The following CLCN2 variants were observed in gnomAD, a reference collection of about 807,000 sequenced individuals.
CLCN2 encodes chloride voltage-gated channel 2, also known as chloride channel protein 2.
Under a neutral mutation model 108.3 loss-of-function variants are expected in CLCN2, and 72 were observed. That is an observed-to-expected ratio of 0.66 (90% CI 0.55 to 0.81). The LOEUF (loss-of-function observed/expected upper bound fraction) is 0.81, where lower values mean the gene tolerates loss of function less well. Ranked by LOEUF, CLCN2 falls within the 30% of genes least tolerant of loss-of-function variation. The pLI is 0.00. For synonymous variants in CLCN2, 471 were observed against 467.1 expected (o/e 1.01, Z -0.11); for missense variants, 1,048 against 1,205.2 (o/e 0.87, Z 1.93).
rs536717847 is a variant in CLCN2 at position 184,361,244 on chromosome 3, C to T, written c.63+173G>A. ...GCCCTCAGCCTCAGCCAGAAACCAGCATGCAGTTTTCCATCCCTTCGGCCC... is the reference window on the plus strand; with the variant it reads ...GCCCTCAGCCTCAGCCAGAAACCAGTATGCAGTTTTCCATCCCTTCGGCCC... On this transcript the variant is annotated intron_variant, in intron 1 of 23. Coordinates refer to ENST00000265593, the MANE Select transcript of CLCN2 (RefSeq NM_004366.6). This position sits in a 1 kb window ranked among gnomAD's most constrained non-coding sequence, Gnocchi z 6.6. Among the ~76,000 whole-genome samples, 1 of 152,196 alleles carries T rather than the reference C, an allele frequency of 6.6e-6. No homozygotes were observed. The highest frequency in any genetic ancestry group is 2.4e-5 in the African/African-American group (1 of 41,444).
chr3:184,356,931 C>A (rs1230226256), intron 10 of CLCN2, 62 bp downstream of exon 10: 4 of 1,182,496 alleles, frequency 3.4e-6, no homozygotes, highest in African/African-American at 1.5e-5. Context: ...TCACTGTCCC[C>A]TGACCTACTG....
In CLCN2 at chr3:184,361,571, C is replaced by G. The variant is rs1712132995; in HGVS notation, c.-92G>C. On this transcript the variant is annotated 5_prime_UTR_variant, in exon 1 of 24. Transcript: ENST00000265593. This position sits in a 1 kb window ranked among gnomAD's most constrained non-coding sequence, Gnocchi z 6.6. ...GCAAAGTCCGCGCCGGCAGCCGTCC[C>G]GTCCCCGCAGCCCGGGAGGCCGAGA... The G allele has an allele frequency of 1.4e-6, 2 of 1,437,750 alleles. No homozygotes were observed. The highest frequency in any genetic ancestry group is 1.9e-6 in the Non-Finnish European group (2 of 1,045,294). 89.1% of individuals were successfully genotyped at this position (1,437,750 alleles called of 1,614,324 possible).
In CLCN2 at chr3:184,346,548, A is replaced by G; in HGVS notation, c.*58T>C. The stretch of plus-strand genomic sequence containing the variant: ...CTTCCGAAGGCAGAAGGAATGAAAG[A>G]TGCACATTCTGGGCTGACGGGCATG... On this transcript the variant is annotated 3_prime_UTR_variant, in exon 24 of 24. Coordinates refer to ENST00000265593, the MANE Select transcript of CLCN2 (RefSeq NM_004366.6). The surrounding 1 kb of genome is among the most constrained non-coding windows in gnomAD (Gnocchi z 6.0). 1 of 1,590,914 alleles carries G rather than the reference A, an allele frequency of 6.3e-7. No individual in the cohort carries two copies. Among genetic ancestry groups the G allele is most frequent in the Non-Finnish European group, 8.6e-7 (1 of 1,162,802 alleles).
At chr3:184,352,618 G>T in intron 19 of CLCN2, 119 bp downstream of exon 19, 3 of 1,450,306 alleles carry the variant, frequency 2.1e-6, no homozygotes, top group Non-Finnish European at 2.9e-6. Flanking sequence ...GCTGACAGCA[G>T]GGAGGGCCGA....
At chr3:184,354,799 G>T (rs1728417260) in intron 13 of CLCN2, 105 bp downstream of exon 13, 3 of 1,414,982 alleles carry the variant, frequency 2.1e-6, no homozygotes, top group South Asian at 2.3e-5. Flanking sequence ...CAGGGTTCGG[G>T]CTAGGGCTGG....
At chr3:184,352,214 C>T (rs1205975228) in intron 21 of CLCN2, 79 bp downstream of exon 21, 1 of 1,600,538 alleles carries the variant, frequency 6.2e-7, no homozygotes, top group Non-Finnish European at 8.6e-7. Context: ...CCCGTGGTCC[C>T]TCCCATGGGG....
intron 19 of CLCN2, 114 bp from the exon 20 acceptor site, chr3:184,352,610 T>C: frequency 6.9e-7 from 1 of 1,449,798 alleles, no homozygotes; most frequent in South Asian, 1.2e-5. Context: ...GGACCTGAGC[T>C]GACAGCAGGG....
At chr3:184,360,643 A>C (rs1711936614) in intron 1 of CLCN2, among the ~76,000 whole-genome samples, 1 of 152,078 alleles carries the variant, frequency 6.6e-6, no homozygotes, top group African/African-American at 2.4e-5. Flanking sequence ...TCCTTTCCCT[A>C]GGGCTTGGGT....
In CLCN2 at chr3:184,357,205, C is replaced by A. The variant is rs748592708; in HGVS notation, c.960G>T (p.Glu320Asp). Residue 320 changes from glutamate (E) to aspartate (D), a missense_variant, in exon 9 of 24, where the codon GAG becomes GAT. Coordinates refer to ENST00000265593, the MANE Select transcript of CLCN2 (RefSeq NM_004366.6). ...ACCCAATGACAGCAAAGGCTGGCAG[C>A]TCCTGCAGGTCAAAGGGGAAGTCGA... is the stretch of plus-strand genomic sequence containing the variant. ...FRLDFPFDLQELPAFAVIGIA... is the reference protein window; with the variant it reads ...FRLDFPFDLQDLPAFAVIGIA... 5.0e-6 allele frequency: 8 copies of A among 1,614,016 alleles called. No individual in the cohort carries two copies. The highest frequency in any genetic ancestry group is 1.7e-5 in the Admixed American group (1 of 60,020).
intron 22 of CLCN2, chr3:184,347,933 C>T (rs546236989): frequency 4.6e-5 from 7 of 152,330 alleles, no homozygotes; most frequent in African/African-American, 1.4e-4. Flanking sequence ...TCTTGAAAAA[C>T]GCTCTCCTGA....
chr3:184,358,385 G>A (rs1034838897), intron 3 of CLCN2, 75 bp from the exon 4 acceptor site: 10 of 1,599,166 alleles, frequency 6.3e-6, no homozygotes, highest in Non-Finnish European at 8.6e-6. Context: ...ACGCTGATAC[G>A]ACAGGCTGTC....
In CLCN2 at chr3:184,354,927, G is replaced by C. The variant is rs772617403; in HGVS notation, c.1373C>G (p.Ala458Gly). 5 of 1,613,964 alleles carry C rather than the reference G, an allele frequency of 3.1e-6. No homozygotes were observed. Among genetic ancestry groups the C allele is most frequent in the Non-Finnish European group, 4.2e-6 (5 of 1,179,986 alleles). The change falls in exon 13 of 24, where the codon GCC becomes GGC. Residue 458 changes from alanine to glycine, a missense_variant. Coordinates refer to ENST00000265593, the MANE Select transcript of CLCN2 (RefSeq NM_004366.6). ...LATTIPVPCG[A>G]FMPVFVIGAA... is the part of the protein sequence containing the mutation. Reference sequence around the variant, plus strand: ...ACCAATGACAAAGACAGGCATGAAGGCCCCACAGGGAACTGGGATGGTGGT... The same window carrying C: ...ACCAATGACAAAGACAGGCATGAAGCCCCCACAGGGAACTGGGATGGTGGT...
intron 13 of CLCN2, 94 bp downstream of exon 13, chr3:184,354,809 GA>G: frequency 6.8e-7 from 1 of 1,465,004 alleles, no homozygotes. Flanking sequence ...GCTAGGGCTG[GA>G]CCAAAAACCC....
At chr3:184,348,709 T>A (rs972979379) in intron 22 of CLCN2, 1 of 152,208 alleles carries the variant, frequency 6.6e-6, no homozygotes, top group Non-Finnish European at 1.5e-5. Context: ...CCCTCTCATC[T>A]TCTCCCAAGG....
chr3:184,359,380 C>T (rs539106844), intron 1 of CLCN2, among the ~76,000 whole-genome samples: 31 of 152,288 alleles, frequency 2.0e-4, no homozygotes, highest in African/African-American at 7.5e-4. Context: ...AATAATCGGT[C>T]CTCTTCTCAC....
In CLCN2 at chr3:184,358,305, G is replaced by A. The variant is rs1199578809; in HGVS notation, c.358C>T (p.Gln120Ter). Residue 120 changes from glutamine (Q) to a stop codon, truncating the protein, a stop_gained, in exon 4 of 24, where the codon CAG becomes TAG. Transcript: ENST00000265593. LOFTEE classifies it high-confidence loss of function. The part of the protein sequence containing the change: ...YAIAACLQAQ[Q>*]WMSRGLNTSI... ...GTGTTCAAGCCCCGGGACATCCACT[G>A]CTGGGCTGTGGGAAGAGGACCTGCT... The A allele has an allele frequency of 6.2e-7, 1 of 1,613,808 alleles. No homozygotes were observed. The highest frequency in any genetic ancestry group is 8.5e-7 in the Non-Finnish European group (1 of 1,180,042).
rs1728608631 is a variant in CLCN2 at position 184,357,090 on chromosome 3, C to T, written c.988G>A (p.Ala330Thr). 5 of 1,613,382 alleles carry T rather than the reference C, an allele frequency of 3.1e-6. No homozygotes were observed. The highest frequency in any genetic ancestry group is 3.4e-6 in the Non-Finnish European group (4 of 1,179,582). Residue 330 changes from alanine (A) to threonine (T), a missense_variant, in exon 10 of 24, where the codon GCT becomes ACT. Transcript: ENST00000265593. ...ELPAFAVIGI[A>T]SGFGGALFVY... ...AAGAGGGCTCCACCGAAGCCACTAG[C>T]AATACTGGAAAGGGAAGAGGCACCT...
chr3:184,350,919 C>T (rs1402362236), intron 22 of CLCN2, among the ~76,000 whole-genome samples: 1 of 152,182 alleles, frequency 6.6e-6, no homozygotes, highest in Non-Finnish European at 1.5e-5. Context: ...GCATGATCAT[C>T]ATCATGGATG....
At chr3:184,360,877 G>C (rs368851440) in intron 1 of CLCN2, among the ~76,000 whole-genome samples, 1 of 152,204 alleles carries the variant, frequency 6.6e-6, no homozygotes, top group Non-Finnish European at 1.5e-5. Context: ...CTGTCCCCCA[G>C]AGTGGCAAGC....
Sources: allele counts gnomAD v4.1 joint callset (sites outside exome capture counted in the v4.1 genomes callset), GRCh38; gene constraint gnomAD v4.1.1; non-coding constraint Gnocchi (gnomAD v3.1); transcripts MANE v1.5; gene names NCBI Gene and HGNC (gene_info 2026-07-23, HGNC 2026-07-21).